The following CABCOCO1 variants were observed in gnomAD, a reference collection of about 807,000 sequenced individuals.
CABCOCO1 encodes ciliary associated calcium binding coiled-coil 1, also known as ciliary-associated calcium-binding coiled-coil protein 1.
A neutral mutation model predicts 35.7 loss-of-function variants in CABCOCO1; 28 were observed. The observed-to-expected ratio is 0.78, with a 90% CI of 0.58 to 1.07. The LOEUF (loss-of-function observed/expected upper bound fraction) is 1.07. Among genes scored for constraint, CABCOCO1 ranks in the 50% least tolerant of loss-of-function variants. The pLI is 0.00. For missense variants in CABCOCO1, 326 were observed against 309.2 expected, an observed-to-expected ratio of 1.05 and a Z score of -0.41; for synonymous variants, 95 against 100.1, an observed-to-expected ratio of 0.95 and a Z score of 0.30.
At chr10:61,698,424 C>G (rs950652149) in intron 5 of CABCOCO1, among the ~76,000 whole-genome samples, 1 of 151,994 alleles carries the variant, frequency 6.6e-6, no homozygotes, top group Non-Finnish European at 1.5e-5. Context: ...TTTTTGAAAG[C>G]GGTTCTGTAG....
chr10:61,677,817 T>G lies in CABCOCO1; in HGVS notation c.165-3326T>G, dbSNP rs1224589397. Among the ~76,000 whole-genome samples, 41 of 142,996 alleles carry G rather than the reference T, an allele frequency of 2.9e-4. No homozygotes were observed. The East Asian group carries it at 5.4e-3, about 19-fold the overall frequency. The allele number at this position is 142,996 out of a possible 152,430, so 93.8% of individuals were successfully genotyped here. A position where few individuals can be genotyped will look rare whatever the true frequency, so the allele number is the denominator to read the frequency against. ...GGTGTTTGGTTTTTTGGGTGTTTTT[T>G]TTTTTTTTTTTTTTTTTTTGTCCTT... On this transcript the variant is annotated intron_variant, in intron 2 of 7. Coordinates refer to ENST00000648843, the MANE Select transcript of CABCOCO1 (RefSeq NM_001366906.2).
At chr10:61,756,728 C>T (rs1841904699) in intron 5 of CABCOCO1, among the ~76,000 whole-genome samples, 1 of 152,030 alleles carries the variant, frequency 6.6e-6, no homozygotes, top group South Asian at 2.1e-4. Flanking sequence ...CACCTAAAGG[C>T]CTTCCCTTTG....
At chr10:61,673,278 C>T (rs1018502599) in intron 2 of CABCOCO1, among the ~76,000 whole-genome samples, 2 of 152,192 alleles carry the variant, frequency 1.3e-5, no homozygotes, top group Non-Finnish European at 2.9e-5. Context: ...GTACATCTCA[C>T]TCTTTAGGCC....
At chr10:61,702,551 T>C (rs1261923539) in intron 5 of CABCOCO1, among the ~76,000 whole-genome samples, 1 of 152,182 alleles carries the variant, frequency 6.6e-6, no homozygotes, top group Admixed American at 6.5e-5. Flanking sequence ...TACATGTTAA[T>C]AAATATAATC....
intron 5 of CABCOCO1, among the ~76,000 whole-genome samples, chr10:61,754,542 T>C (rs1309308217): frequency 6.6e-6 from 1 of 152,112 alleles, no homozygotes; most frequent in Non-Finnish European, 1.5e-5. Flanking sequence ...TCAAAAGATA[T>C]CTAAAATACT....
At chr10:61,765,235 G>A (rs543024559) in intron 7 of CABCOCO1, among the ~76,000 whole-genome samples, 3 of 152,204 alleles carry the variant, frequency 2.0e-5, no homozygotes, top group East Asian at 3.9e-4. Context: ...TGTGAAAAAG[G>A]GAAGACATTT....
At chr10:61,692,444 C>T (rs1840174354) in intron 5 of CABCOCO1, among the ~76,000 whole-genome samples, 1 of 152,058 alleles carries the variant, frequency 6.6e-6, no homozygotes, top group African/African-American at 2.4e-5. Context: ...TCTGTAGGTC[C>T]ACAATTACTT....
rs185210326 is a variant in CABCOCO1, at chr10:61,702,660, A to G, written c.552+12039A>G. ...ACAGTTCTATAATATTGGGCCACAT[A>G]CCAATGTTTTCATAGTGTTCAAGTT... On this transcript the variant is annotated intron_variant, in intron 5 of 7. Coordinates refer to ENST00000648843, the MANE Select transcript of CABCOCO1 (RefSeq NM_001366906.2). 1.2e-4 allele frequency among the ~76,000 whole-genome samples: 19 copies of G among 152,216 alleles called. No homozygotes were observed. The East Asian group carries it at 3.7e-3, about 29-fold the overall frequency.
At chr10:61,729,893 A>G (rs1841261285) in intron 5 of CABCOCO1, among the ~76,000 whole-genome samples, 1 of 152,146 alleles carries the variant, frequency 6.6e-6, no homozygotes, top group Admixed American at 6.6e-5. Flanking sequence ...TTTCACTTAT[A>G]TCAGTTATCT....
At chr10:61,664,049 T>C (rs1192615573) in intron 1 of CABCOCO1, among the ~76,000 whole-genome samples, 1 of 152,172 alleles carries the variant, frequency 6.6e-6, no homozygotes, top group East Asian at 1.9e-4. Context: ...AATAATTCCA[T>C]GCCTTGCTCA....
chr10:61,695,306 A>T (rs1403743073), intron 5 of CABCOCO1, among the ~76,000 whole-genome samples: 1 of 151,946 alleles, frequency 6.6e-6, no homozygotes, highest in Non-Finnish European at 1.5e-5. Flanking sequence ...AAAAAAAAAA[A>T]ATCTAAAATA....
At chr10:61,702,915 GA>G (rs545433701) in intron 5 of CABCOCO1, among the ~76,000 whole-genome samples, 27 of 133,874 alleles carry the variant, frequency 2.0e-4, no homozygotes, top group Non-Finnish European at 3.2e-4. Flanking sequence ...GTGAAGAGGA[GA>G]AAAAAAAAAC....
intron 1 of CABCOCO1, among the ~76,000 whole-genome samples, chr10:61,665,431 G>C (rs568774390): frequency 6.6e-6 from 1 of 152,274 alleles, no homozygotes; most frequent in Admixed American, 6.5e-5. Context: ...GCAGATATCT[G>C]TATGAATGCA....
chr10:61,710,443 T>C (rs1380009485), intron 5 of CABCOCO1, among the ~76,000 whole-genome samples: 1 of 151,998 alleles, frequency 6.6e-6, no homozygotes, highest in African/African-American at 2.4e-5. Context: ...TCTCCGAATA[T>C]ACTGTAAACA....
chr10:61,721,078 C>A (rs1031932959), intron 5 of CABCOCO1, among the ~76,000 whole-genome samples: 1 of 151,748 alleles, frequency 6.6e-6, no homozygotes, highest in Non-Finnish European at 1.5e-5. Context: ...GCGCCCGCCA[C>A]CACGCCCGGC....
chr10:61,739,373 A>G (rs1564552299), intron 5 of CABCOCO1, among the ~76,000 whole-genome samples: 1 of 152,202 alleles, frequency 6.6e-6, no homozygotes, highest in Non-Finnish European at 1.5e-5. Context: ...CTAGATATGG[A>G]AGTAGCTTTA....
chr10:61,691,237 T>G (rs909068343), intron 5 of CABCOCO1, among the ~76,000 whole-genome samples: 1 of 152,162 alleles, frequency 6.6e-6, no homozygotes, highest in Non-Finnish European at 1.5e-5. Context: ...TGTGGGTTGA[T>G]GTAGTTACTA....
At chr10:61,687,576 C>G (rs1840005315) in intron 4 of CABCOCO1, among the ~76,000 whole-genome samples, 1 of 152,154 alleles carries the variant, frequency 6.6e-6, no homozygotes, top group Admixed American at 6.5e-5. Context: ...ATGACCCCTT[C>G]TGGAAGGAGA....
intron 4 of CABCOCO1, among the ~76,000 whole-genome samples, chr10:61,688,647 T>C (rs1323283177): frequency 5.3e-5 from 8 of 152,176 alleles, no homozygotes; most frequent in Non-Finnish European, 1.5e-5. Context: ...TAATCTCAGG[T>C]GTACACTCAA....
Sources: gnomAD v4.1 joint callset for allele counts (sites outside exome capture counted in the v4.1 genomes callset) on GRCh38, gnomAD v4.1.1 for gene constraint, MANE v1.5 for transcripts, NCBI Gene and HGNC (gene_info 2026-07-23, HGNC 2026-07-21) for gene names.